QRSL1: variants seen among roughly 807,000 people sequenced by gnomAD.
QRSL1 encodes the protein glutaminyl-tRNA amidotransferase subunit QRSL1, also known as glutamyl-tRNA(Gln) amidotransferase subunit A, mitochondrial.
A neutral mutation model predicts 61.6 loss-of-function variants in QRSL1; 54 were observed. That is an observed-to-expected ratio of 0.88 (90% CI 0.70 to 1.10). QRSL1 has a LOEUF of 1.10. Ranked by LOEUF, QRSL1 falls within the 50% of genes least tolerant of loss-of-function variation. QRSL1 has a pLI of 0.00. For missense variants in QRSL1, 505 were observed against 622.6 expected (o/e 0.81, Z 2.01); for synonymous variants, 228 against 225.7 (o/e 1.01, Z -0.09).
At chr6:106,659,481 C>T (rs973323574) in intron 9 of QRSL1, among the ~76,000 whole-genome samples, 1 of 149,174 alleles carries the variant, frequency 6.7e-6, no homozygotes, top group African/African-American at 2.5e-5. Context: ...AAAAAAAAAA[C>T]ATATTTATAG....
chr6:106,662,903 C>T, intron 9 of QRSL1, 77 bp from the exon 10 acceptor site: 24 of 1,248,836 alleles, frequency 1.9e-5, no homozygotes, highest in Non-Finnish European at 2.6e-5. Context: ...GGTTCTTTAT[C>T]AAGCCTAATG....
chr6:106,652,933 T>A, intron 7 of QRSL1: 1 of 566,878 alleles, frequency 1.8e-6, no homozygotes, highest in Non-Finnish European at 2.9e-6. Flanking sequence ...ACAGACAATA[T>A]GTAAATGAAA....
chr6:106,646,289 T>C (rs1777104004), intron 4 of QRSL1, among the ~76,000 whole-genome samples: 1 of 152,184 alleles, frequency 6.6e-6, no homozygotes, highest in African/African-American at 2.4e-5. Flanking sequence ...GTGGACGTTA[T>C]GTGCCTCCAG....
At chr6:106,656,550 A>C (rs1277111223) in intron 9 of QRSL1, among the ~76,000 whole-genome samples, 1 of 152,232 alleles carries the variant, frequency 6.6e-6, no homozygotes, top group Non-Finnish European at 1.5e-5. Flanking sequence ...AAGTGTGAAA[A>C]AGCAAGATTG....
At chr6:106,659,990 G>C (rs892915753) in intron 9 of QRSL1, among the ~76,000 whole-genome samples, 1 of 152,138 alleles carries the variant, frequency 6.6e-6, no homozygotes, top group African/African-American at 2.4e-5. Flanking sequence ...TCTCCCTGCA[G>C]ATCTGTTGAG....
intron 9 of QRSL1, among the ~76,000 whole-genome samples, chr6:106,660,058 C>T (rs965684519): frequency 6.6e-6 from 1 of 152,170 alleles, no homozygotes; most frequent in Non-Finnish European, 1.5e-5. Context: ...TTCTAGCTGC[C>T]TTTGCCTCCT....
chr6:106,650,522 CTTATTTTTGATTTGT>C, intron 5 of QRSL1, among the ~76,000 whole-genome samples: 1 of 150,944 alleles, frequency 6.6e-6, no homozygotes, highest in Middle Eastern at 3.2e-3. Flanking sequence ...CTTTTGTTTC[CTTATTTTTGATTTGT>C]TTACCCCTTT....
At chr6:106,643,723 A>T (rs1169544018) in intron 4 of QRSL1, among the ~76,000 whole-genome samples, 3 of 152,142 alleles carry the variant, frequency 2.0e-5, no homozygotes, top group Admixed American at 6.5e-5. Context: ...TTGGATTCAA[A>T]TCCATTATCA....
rs1037765160 is a variant in QRSL1, at chr6:106,652,301, G to T, written c.650G>T (p.Arg217Leu). The stretch of plus-strand genomic sequence containing the variant: ...AAACCAAGCTATGGCTTAGTTTCCC[G>T]TCATGGTCTCATTCCCCTGGTGAAT... ...GFKPSYGLVS[R>L]HGLIPLVNSM... Residue 217 changes from arginine to leucine, a missense_variant, in exon 6 of 11, where the codon CGT becomes CTT. Physicochemically the swap from Arg to Leu is moderately radical, Grantham distance 102. Coordinates refer to ENST00000369046, the MANE Select transcript of QRSL1 (RefSeq NM_018292.5). The T allele has an allele frequency of 6.2e-7, 1 of 1,614,134 alleles. No homozygotes were observed. Among genetic ancestry groups the T allele is most frequent in the South Asian group, 1.1e-5 (1 of 91,082 alleles).
intron 4 of QRSL1, among the ~76,000 whole-genome samples, chr6:106,648,192 A>T (rs1777142053): frequency 6.6e-6 from 1 of 151,754 alleles, no homozygotes; most frequent in Non-Finnish European, 1.5e-5. Flanking sequence ...GCTACTCGGG[A>T]GGCTGAGGCA....
At chr6:106,649,238 C>T (rs1336141164) in intron 5 of QRSL1, 37 bp downstream of exon 5, 2 of 1,572,452 alleles carry the variant, frequency 1.3e-6, no homozygotes, top group Non-Finnish European at 1.7e-6. Flanking sequence ...TTAAAACCCA[C>T]CCAAATACAA....
rs1485319334 is a variant in QRSL1, at chr6:106,668,279, C to T, written c.*2277C>T. On this transcript the variant is annotated 3_prime_UTR_variant, in exon 11 of 11. Transcript: ENST00000369046. ...GATACCCAACTACCATGAAATGATA[C>T]CTAATTTGTTTTTCTTTTCTCTTCA... 1 of 151,768 alleles carries T rather than the reference C, an allele frequency of 6.6e-6. No individual in the cohort carries two copies. The highest frequency in any genetic ancestry group is 2.4e-5 in the African/African-American group (1 of 41,308). The allele number at this position is 151,768 out of a possible 1,614,324, so 9.4% of individuals were successfully genotyped here. A position where few individuals can be genotyped will look rare whatever the true frequency, so the allele number is the denominator to read the frequency against.
intron 1 of QRSL1, among the ~76,000 whole-genome samples, chr6:106,635,663 A>G (rs1776908537): frequency 6.6e-6 from 1 of 152,174 alleles, no homozygotes; most frequent in African/African-American, 2.4e-5. Context: ...TCACGAGGTC[A>G]GGAGTTCAAG....
At chr6:106,661,444 G>T (rs893639170) in intron 9 of QRSL1, among the ~76,000 whole-genome samples, 1 of 152,046 alleles carries the variant, frequency 6.6e-6, no homozygotes, top group African/African-American at 2.4e-5. Flanking sequence ...TCAGGTTTTG[G>T]AATATGGTGT....
chr6:106,646,912 C>T (rs1236942245), intron 4 of QRSL1, among the ~76,000 whole-genome samples: 1 of 151,516 alleles, frequency 6.6e-6, no homozygotes, highest in Non-Finnish European at 1.5e-5. Context: ...CCTGTAGTCC[C>T]CGCTACTCAG....
rs764962917 is a variant in QRSL1 at position 106,665,822 on chromosome 6, A to G, written c.1407A>G (p.Gln469=). The G allele has an allele frequency of 3.5e-5, 56 of 1,613,838 alleles. No individual in the cohort carries two copies. Among genetic ancestry groups the G allele is most frequent in the Middle Eastern group, 1.6e-4 (1 of 6,078 alleles). ...AVSIPVALSN[Q]GLPIGLQFIG... is the part of the protein sequence containing the mutation. ...GTATCCCTGTTGCACTCTCAAACCA[A>G]GGGTTGCCAATAGGACTGCAGTTTA... Residue 469 remains glutamine (Q), a synonymous_variant, in exon 11 of 11, where the codon CAA becomes CAG. Coordinates refer to ENST00000369046, the MANE Select transcript of QRSL1 (RefSeq NM_018292.5).
chr6:106,652,101 G>A (rs1777194974), intron 5 of QRSL1, 108 bp from the exon 6 acceptor site: 1 of 1,119,776 alleles, frequency 8.9e-7, no homozygotes, highest in Non-Finnish European at 1.2e-6. Flanking sequence ...TGTTACTTTT[G>A]TGTAATCAGA....
Position 106,629,659 on chromosome 6 carries a change from G to A in QRSL1, c.-23G>A, listed in dbSNP as rs1217338216. The stretch of plus-strand genomic sequence containing the variant: ...TTTTCCCCCTTGCCTGGCTCCTGTG[G>A]TGGCAGGCTGGGCACGAGGACCATG... On this transcript the variant is annotated 5_prime_UTR_variant, in exon 1 of 11. In the 5' UTR this introduces an upstream ATG that the reference lacks. Coordinates refer to ENST00000369046, the MANE Select transcript of QRSL1 (RefSeq NM_018292.5). 6.2e-7 allele frequency: 1 copy of A among 1,600,956 alleles called. No individual in the cohort carries two copies. The highest frequency in any genetic ancestry group is 1.1e-5 in the South Asian group (1 of 88,216).
chr6:106,636,192 C>T (rs900331526), intron 1 of QRSL1, among the ~76,000 whole-genome samples: 1 of 151,978 alleles, frequency 6.6e-6, no homozygotes, highest in Non-Finnish European at 1.5e-5. Context: ...TGAAAATATC[C>T]GAAATCTAAA....
Sources: allele counts gnomAD v4.1 joint callset (sites outside exome capture counted in the v4.1 genomes callset), GRCh38; gene constraint gnomAD v4.1.1; transcripts MANE v1.5; gene names NCBI Gene and HGNC (gene_info 2026-07-23, HGNC 2026-07-21).